PDLIM5: variants seen among roughly 807,000 people sequenced by gnomAD.
PDLIM5 encodes PDZ and LIM domain protein 5.
A neutral mutation model predicts 64.2 loss-of-function variants in PDLIM5; 34 were observed. The ratio of observed to expected loss-of-function variants is 0.53; its 90% CI spans 0.40 to 0.71. The LOEUF is 0.71. Among genes scored for constraint, PDLIM5 ranks in the 30% least tolerant of loss-of-function variants. PDLIM5 has a pLI of 0.00. For missense variants in PDLIM5, 683 were observed against 733.6 expected, an observed-to-expected ratio of 0.93 and a Z score of 0.80; for synonymous variants, 253 against 269.1, an observed-to-expected ratio of 0.94 and a Z score of 0.59.
chr4:94,662,683 T>A lies in PDLIM5; in HGVS notation c.1701+146T>A, dbSNP rs1396366021. 5 of 462,210 alleles carry A rather than the reference T, an allele frequency of 1.1e-5. No individual in the cohort carries two copies. The East Asian group carries it at 1.3e-4, about 12-fold the overall frequency. 28.6% of individuals were successfully genotyped at this position (462,210 alleles called of 1,614,324 possible). A position where few individuals can be genotyped will look rare whatever the true frequency, so the allele number is the denominator to read the frequency against. On this transcript the variant is annotated intron_variant, in intron 12 of 12. Transcript: ENST00000317968. ...TTAATTTTTTGTAAATTTCGAAAGTTGTTTATTAAATTTTTTGGCATTTTT... is the reference window on the plus strand; with the variant it reads ...TTAATTTTTTGTAAATTTCGAAAGTAGTTTATTAAATTTTTTGGCATTTTT...
intron 2 of PDLIM5, among the ~76,000 whole-genome samples, chr4:94,477,062 C>G (rs1725388642): frequency 6.6e-6 from 1 of 152,170 alleles, no homozygotes; most frequent in African/African-American, 2.4e-5. Context: ...ACACATGCCC[C>G]TTCCCAGCTT....
intron 8 of PDLIM5, among the ~76,000 whole-genome samples, chr4:94,628,132 C>G (rs1739851178): frequency 6.6e-6 from 1 of 152,018 alleles, no homozygotes; most frequent in South Asian, 2.1e-4. Flanking sequence ...ATCCTCTCAC[C>G]CTTTGAGGTA....
chr4:94,454,121 T>G (rs1033575946), intron 1 of PDLIM5, among the ~76,000 whole-genome samples: 17 of 152,206 alleles, frequency 1.1e-4, no homozygotes, highest in African/African-American at 4.1e-4. Flanking sequence ...AAACATATTT[T>G]AAGACAGGTA....
intron 8 of PDLIM5, among the ~76,000 whole-genome samples, chr4:94,630,153 G>A (rs1451525550): frequency 1.3e-5 from 2 of 152,130 alleles, no homozygotes; most frequent in African/African-American, 2.4e-5. Context: ...TTCCTGAGAT[G>A]TTGAATTACA....
intron 1 of PDLIM5, among the ~76,000 whole-genome samples, 195 bp from the exon 2 acceptor site, chr4:94,455,052 C>A (rs1236100235): frequency 6.6e-6 from 1 of 152,120 alleles, no homozygotes; most frequent in African/African-American, 2.4e-5. Context: ...AATTTTTAGA[C>A]CATGGAAATT....
chr4:94,528,315 T>C (rs1730556537), intron 3 of PDLIM5, among the ~76,000 whole-genome samples: 1 of 152,162 alleles, frequency 6.6e-6, no homozygotes, highest in Non-Finnish European at 1.5e-5. Flanking sequence ...ATGAAATAGT[T>C]TATGCCATTC....
intron 2 of PDLIM5, among the ~76,000 whole-genome samples, chr4:94,497,018 T>C (rs980555964): frequency 2.6e-5 from 4 of 152,196 alleles, no homozygotes; most frequent in Admixed American, 6.5e-5. Context: ...GACTTCCTGA[T>C]TTTAGAAGGT....
Position 94,616,888 on chromosome 4 carries a change from T to TA in PDLIM5, c.921-1115dup, listed in dbSNP as rs568766360. On this transcript the variant is annotated intron_variant, in intron 7 of 12. Transcript: ENST00000317968. Reference sequence around the variant, plus strand: ...GGTTTATTGTTTCGATAGAAGGACTTACAGGATTAGTATATAGTTGCACTC... The same window carrying TA: ...GGTTTATTGTTTCGATAGAAGGACTTAACAGGATTAGTATATAGTTGCACTC... Among the ~76,000 whole-genome samples, 22 of 152,332 alleles carry TA rather than the reference T, an allele frequency of 1.4e-4. No homozygotes were observed. In the East Asian group the frequency reaches 4.2e-3, roughly 29 times the overall value.
chr4:94,488,491 C>G (rs146976692), intron 2 of PDLIM5, among the ~76,000 whole-genome samples: 64 of 152,162 alleles, frequency 4.2e-4, no homozygotes, highest in Non-Finnish European at 7.4e-4. Context: ...CTTAAAATAA[C>G]TTGCTTCTAC....
At chr4:94,607,983 G>T in intron 7 of PDLIM5, 1 of 1,005,032 alleles carries the variant, frequency 9.9e-7, no homozygotes, top group Non-Finnish European at 1.4e-6. Flanking sequence ...TTAAAAGATG[G>T]TATAGATGAT....
chr4:94,645,028 A>G (rs1741303465), intron 9 of PDLIM5, among the ~76,000 whole-genome samples: 1 of 152,122 alleles, frequency 6.6e-6, no homozygotes, highest in Non-Finnish European at 1.5e-5. Flanking sequence ...CCAGAGCAGT[A>G]TACTCTGAAC....
chr4:94,465,214 A>T (rs1181393781), intron 2 of PDLIM5, among the ~76,000 whole-genome samples: 1 of 152,022 alleles, frequency 6.6e-6, no homozygotes, highest in Admixed American at 6.6e-5. Context: ...TGCTCTCTGA[A>T]ATGTTTGACT....
At chr4:94,555,638 T>C (rs17394213) in intron 3 of PDLIM5, among the ~76,000 whole-genome samples, 58,492 of 151,948 alleles carry the variant, frequency 0.38, 13,734 homozygotes, top group South Asian at 0.69. Context: ...TTGTTAATAA[T>C]GAATTTCCCC....
At chr4:94,600,548 A>G (rs1370116516) in intron 7 of PDLIM5, among the ~76,000 whole-genome samples, 1 of 152,240 alleles carries the variant, frequency 6.6e-6, no homozygotes, top group African/African-American at 2.4e-5. Context: ...GAATCTGAAA[A>G]ATACCTTTAT....
intron 2 of PDLIM5, among the ~76,000 whole-genome samples, chr4:94,496,709 A>G (rs976396634): frequency 1.3e-5 from 2 of 152,158 alleles, no homozygotes; most frequent in Non-Finnish European, 2.9e-5. Context: ...AGGCTGGCCT[A>G]GAACTCCTGG....
At chr4:94,536,320 A>G (rs1731315515) in intron 3 of PDLIM5, among the ~76,000 whole-genome samples, 1 of 152,178 alleles carries the variant, frequency 6.6e-6, no homozygotes, top group Admixed American at 6.5e-5. Context: ...TAGCAGATTA[A>G]AAGGAGCCTG....
chr4:94,635,024 G>A (rs534485188), intron 8 of PDLIM5, among the ~76,000 whole-genome samples: 1 of 152,034 alleles, frequency 6.6e-6, no homozygotes, highest in Admixed American at 6.6e-5. Context: ...TGTAATCTTA[G>A]GTTTGACTAT....
chr4:94,628,581 G>T (rs543797913), intron 8 of PDLIM5, among the ~76,000 whole-genome samples: 1 of 151,026 alleles, frequency 6.6e-6, no homozygotes, highest in African/African-American at 2.4e-5. Flanking sequence ...TATTTATGTG[G>T]TCAACTTAAA....
Position 94,585,576 on chromosome 4 carries a change from A to G in PDLIM5, c.722A>G (p.Lys241Arg). The change falls in exon 6 of 13, where the codon AAA (lysine) becomes AGA (arginine). Residue 241 changes from lysine to arginine, a missense_variant. Physicochemically the swap from Lys to Arg is conservative, Grantham distance 26. Transcript: ENST00000317968. ...DSKQQNGPPRKHIVERYTEFY... is the reference protein window; with the variant it reads ...DSKQQNGPPRRHIVERYTEFY... ...CTCCTTAACCCTAGCCCACCAAGAAAACACATTGTGGAGCGCTATACAGAG... is the reference window on the plus strand; with the variant it reads ...CTCCTTAACCCTAGCCCACCAAGAAGACACATTGTGGAGCGCTATACAGAG... 6.3e-7 allele frequency: 1 copy of G among 1,590,304 alleles called. No homozygotes were observed. Among genetic ancestry groups the G allele is most frequent in the Non-Finnish European group, 8.6e-7 (1 of 1,165,212 alleles).
Sources: allele counts gnomAD v4.1 joint callset (sites outside exome capture counted in the v4.1 genomes callset), GRCh38; gene constraint gnomAD v4.1.1; transcripts MANE v1.5; gene names NCBI Gene and HGNC (gene_info 2026-07-23, HGNC 2026-07-21).